FCRL3: variants seen among roughly 807,000 people sequenced by gnomAD.
FCRL3 encodes the protein Fc receptor-like protein 3.
Under a neutral mutation model 75.0 loss-of-function variants are expected in FCRL3, and 89 were observed. The ratio of observed to expected loss-of-function variants is 1.19; its 90% CI spans 1.00 to 1.42. The LOEUF is 1.42. Ranked by LOEUF, FCRL3 falls within the 40% of genes most tolerant of loss-of-function variation. FCRL3 has a pLI of 0.00. For missense variants in FCRL3, 946 were observed against 880.0 expected (o/e 1.07, Z -0.95); for synonymous variants, 376 against 348.5 (o/e 1.08, Z -0.88).
intron 2 of FCRL3, 111 bp downstream of exon 2, chr1:157,700,348 T>G: frequency 1.3e-6 from 2 of 1,527,238 alleles, no homozygotes; most frequent in East Asian, 2.3e-5. Flanking sequence ...TCCCATCCCT[T>G]GCTATCTGTC....
rs770665069 is a variant in FCRL3, at chr1:157,678,859, G to C, written c.2059-3C>G. On this transcript the variant is annotated splice_polypyrimidine_tract_variant and splice_region_variant and intron_variant, in intron 14 of 14. Transcript: ENST00000368184. ...TCTGAATAGAGGACTGTAAGTTCCTGGTAGAAAAAAACACAAAAGGTAAGT... is the reference window on the plus strand; with the variant it reads ...TCTGAATAGAGGACTGTAAGTTCCTCGTAGAAAAAAACACAAAAGGTAAGT... The C allele has an allele frequency of 5.0e-6, 8 of 1,613,882 alleles. No homozygotes were observed. In the African/African-American group the frequency reaches 6.7e-5, roughly 13 times the overall value.
chr1:157,693,726 T>TTCTCTCTCTC (rs754715689), intron 8 of FCRL3, among the ~76,000 whole-genome samples: 1 of 149,436 alleles, frequency 6.7e-6, no homozygotes, highest in African/African-American at 2.5e-5. Flanking sequence ...CTTCCTTCCT[T>TTCTCTCTCTC]TCTCTCTCTC....
At chr1:157,685,439 T>C (rs1467066273) in intron 10 of FCRL3, among the ~76,000 whole-genome samples, 2 of 152,002 alleles carry the variant, frequency 1.3e-5, no homozygotes, top group Non-Finnish European at 2.9e-5. Context: ...TAAAACAAGT[T>C]CCTCTTGATC....
In FCRL3 at chr1:157,698,641, A is replaced by T; in HGVS notation, c.53-12T>A. 6.2e-7 allele frequency: 1 copy of T among 1,613,572 alleles called. No homozygotes were observed. Among genetic ancestry groups the T allele is most frequent in the Non-Finnish European group, 8.5e-7 (1 of 1,179,544 alleles). ...TTTTGGGGCCACCCCTAAACAGGAA[A>T]TAGAAAGATGAAGGCAGGGGAAGGT... is the stretch of plus-strand genomic sequence containing the variant. On this transcript the variant is annotated splice_polypyrimidine_tract_variant and intron_variant, in intron 3 of 14. Transcript: ENST00000368184.
In FCRL3 at chr1:157,683,231, G is replaced by C; in HGVS notation, c.1824C>G (p.Ala608=). 8.7e-6 allele frequency: 14 copies of C among 1,613,554 alleles called. No homozygotes were observed. The highest frequency in any genetic ancestry group is 1.2e-5 in the Non-Finnish European group (14 of 1,179,734). ...RARRKPGGLS[A]TGTSSHSPSE... ...AGAGACCTCACCTAGATGTTCCAGTGGCAGAAAGTCCTCCTGCAAAACAAA... is the reference window on the plus strand; with the variant it reads ...AGAGACCTCACCTAGATGTTCCAGTCGCAGAAAGTCCTCCTGCAAAACAAA... The change falls in exon 11 of 15, where the codon GCC becomes GCG. Residue 608 remains alanine, a synonymous_variant. Transcript: ENST00000368184.
In FCRL3 at chr1:157,690,255, C is replaced by T. The variant is rs779600284; in HGVS notation, c.1690G>A (p.Gly564Arg). 1.2e-6 allele frequency: 2 copies of T among 1,614,070 alleles called. No individual in the cohort carries two copies. Among genetic ancestry groups the T allele is most frequent in the South Asian group, 1.1e-5 (1 of 91,074 alleles). Residue 564 changes from glycine (G) to arginine (R), a missense_variant and splice_region_variant, in exon 9 of 15, where the codon GGA becomes AGA. By Grantham distance (125) the Gly-to-Arg change is moderately radical. Transcript: ENST00000368184. ...TCTAGCCCAGGTACTATTAACACAC[C>T]TGTAACATTGAGTGTCACCACTTTA... is the stretch of plus-strand genomic sequence containing the variant. ...HSKVVTLNVT[G>R]TSRNRTGLTA... is the part of the protein sequence containing the mutation.
rs1487351748 is a variant in FCRL3 at position 157,681,006 on chromosome 1, C to T, written c.1932G>A (p.Met644Ile). ...EPTHSKPLAPMELEPMYSNVN... is the reference protein window; with the variant it reads ...EPTHSKPLAPIELEPMYSNVN... ...CATTGCTGTACATTGGCTCCAGCTC[C>T]ATTGGGGCTAGTGGTTTAGAGTGAG... Residue 644 changes from methionine to isoleucine, a missense_variant, in exon 12 of 15, where the codon ATG (methionine) becomes ATA (isoleucine). Coordinates refer to ENST00000368184, the MANE Select transcript of FCRL3 (RefSeq NM_052939.4). The T allele has an allele frequency of 1.2e-5, 19 of 1,596,860 alleles. No homozygotes were observed. The highest frequency in any genetic ancestry group is 1.5e-5 in the Non-Finnish European group (18 of 1,174,282).
At position 157,690,401 on chromosome 1, in the gene FCRL3, T is replaced by A. The variant is rs1430686682; in HGVS notation, c.1544A>T (p.Asp515Val). The change falls in exon 9 of 15, where the codon GAC becomes GTC. Residue 515 changes from aspartate (D) to valine (V), a missense_variant. By Grantham distance (152) the Asp-to-Val change is radical (BLOSUM62 -3). Transcript: ENST00000368184. The stretch of plus-strand genomic sequence containing the variant: ...GTGGGCCGAGATGTTCCCCAAGGTG[T>A]CATCCTCGTGATAAAACCAGTACAG... ...PILYWFYHEDDTLGNISAHSG... is the reference protein window; with the variant it reads ...PILYWFYHEDVTLGNISAHSG... The A allele has an allele frequency of 6.2e-7, 1 of 1,614,200 alleles. No individual in the cohort carries two copies. The highest frequency in any genetic ancestry group is 8.5e-7 in the Non-Finnish European group (1 of 1,180,030).
rs1431914842 is a variant in FCRL3 at position 157,689,815 on chromosome 1, C to T, written c.1793G>A (p.Arg598Lys). 1.9e-6 allele frequency: 3 copies of T among 1,614,134 alleles called. No homozygotes were observed. The highest frequency in any genetic ancestry group is 2.5e-6 in the Non-Finnish European group (3 of 1,180,010). ...ACACCCACCTGGTTTCCTTCGGGCC[C>T]TGGCGTAATGCAGCAGAGCAGCAGC... ...AAAAALLHYA[R>K]ARRKPGGLSA... The change falls in exon 10 of 15, where the codon AGG becomes AAG. Residue 598 changes from arginine (R) to lysine (K), a missense_variant. Coordinates refer to ENST00000368184, the MANE Select transcript of FCRL3 (RefSeq NM_052939.4).
At chr1:157,680,365 A>C (rs532234974) in intron 13 of FCRL3, among the ~76,000 whole-genome samples, 1 of 152,380 alleles carries the variant, frequency 6.6e-6, no homozygotes, top group African/African-American at 2.4e-5. Context: ...AGAAATAAAG[A>C]GACCAGTTAA....
chr1:157,677,771 A>G lies in FCRL3; in HGVS notation c.*939T>C. 1 of 500,400 alleles carries G rather than the reference A, an allele frequency of 2.0e-6. No individual in the cohort carries two copies. The highest frequency in any genetic ancestry group is 2.6e-6 in the Non-Finnish European group (1 of 387,194). 31.0% of individuals were successfully genotyped at this position (500,400 alleles called of 1,614,324 possible). ...ACAATATGGTCTTTAACTTATAGTT[A>G]AAACTAATATAAAAACATATTTAAG... On this transcript the variant is annotated 3_prime_UTR_variant, in exon 15 of 15. Coordinates refer to ENST00000368184, the MANE Select transcript of FCRL3 (RefSeq NM_052939.4).
intron 3 of FCRL3, among the ~76,000 whole-genome samples, chr1:157,698,927 G>A (rs1194874863): frequency 5.3e-5 from 8 of 152,234 alleles, no homozygotes; most frequent in Non-Finnish European, 1.2e-4. Flanking sequence ...GAAGGCCTCA[G>A]AATGTGGCTG....
chr1:157,696,475 C>T (rs749184400), intron 6 of FCRL3, 148 bp from the exon 7 acceptor site: 121 of 743,606 alleles, frequency 1.6e-4, no homozygotes, highest in Middle Eastern at 1.1e-3. Flanking sequence ...ATTGTGTATA[C>T]GATTATAAAG....
At chr1:157,681,470 C>G (rs1369274219) in intron 11 of FCRL3, among the ~76,000 whole-genome samples, 1 of 145,834 alleles carries the variant, frequency 6.9e-6, no homozygotes. Context: ...TCAATTCCCA[C>G]CTATGAGTGA....
intron 10 of FCRL3, among the ~76,000 whole-genome samples, chr1:157,689,535 GTTAA>G (rs2101606405): frequency 6.6e-6 from 1 of 152,116 alleles, no homozygotes; most frequent in African/African-American, 2.4e-5. Context: ...TAGAACATGA[GTTAA>G]TTAATTTTCT....
intron 4 of FCRL3, 85 bp from the exon 5 acceptor site, chr1:157,698,004 A>T: frequency 6.8e-7 from 1 of 1,462,742 alleles, no homozygotes; most frequent in Non-Finnish European, 9.1e-7. Context: ...CAAGAGCCAC[A>T]GTTCTATACA....
At chr1:157,681,150 G>T in intron 11 of FCRL3, 51 bp from the exon 12 acceptor site, 2 of 1,239,394 alleles carry the variant, frequency 1.6e-6, no homozygotes, top group South Asian at 2.1e-5. Context: ...GGGTTACACA[G>T]AATTTCAGGG....
chr1:157,695,523 G>A lies in FCRL3; in HGVS notation c.1217C>T (p.Ser406Phe). The change falls in exon 8 of 15, where the codon TCC becomes TTC. Residue 406 changes from serine to phenylalanine, a missense_variant. By Grantham distance (155) the Ser-to-Phe change is radical. Coordinates refer to ENST00000368184, the MANE Select transcript of FCRL3 (RefSeq NM_052939.4). ...VGDLLELHCESLRGSPPILYR... is the reference protein window; with the variant it reads ...VGDLLELHCEFLRGSPPILYR... ...CAGGATCGGGGGAGAGCCTCTCAGG[G>A]ACTCACAGTGAAGCTCCAGCAGGTC... The A allele has an allele frequency of 6.2e-7, 1 of 1,614,146 alleles. No homozygotes were observed.
In FCRL3 at chr1:157,696,267, C is replaced by T. The variant is rs1274286258; in HGVS notation, c.905G>A (p.Gly302Glu). 1 of 1,613,972 alleles carries T rather than the reference C, an allele frequency of 6.2e-7. No homozygotes were observed. Among genetic ancestry groups the T allele is most frequent in the East Asian group, 2.2e-5 (1 of 44,884 alleles). Residue 302 changes from glycine to glutamate, a missense_variant, in exon 7 of 15, where the codon GGA (glycine) becomes GAA (glutamate). By Grantham distance (98) the Gly-to-Glu change is moderately conservative. Transcript: ENST00000368184. Reference sequence around the variant, plus strand: ...TGAGCAAATAAGGACCATATTTTCTCCTTCAATCAGCTGCCCTCCGGTGGG... The same window carrying T: ...TGAGCAAATAAGGACCATATTTTCTTCTTCAATCAGCTGCCCTCCGGTGGG... ...IRPTGGQLIE[G>E]ENMVLICSVA...
Sources: gnomAD v4.1 joint callset for allele counts (sites outside exome capture counted in the v4.1 genomes callset) on GRCh38, gnomAD v4.1.1 for gene constraint, MANE v1.5 for transcripts, NCBI Gene and HGNC (gene_info 2026-07-23, HGNC 2026-07-21) for gene names.